MYH2: variants seen among roughly 807,000 people sequenced by gnomAD.
The protein encoded by MYH2 is myosin heavy chain 2.
A neutral mutation model predicts 228.1 loss-of-function variants in MYH2; 139 were observed. That is an observed-to-expected ratio of 0.61 (90% CI 0.53 to 0.70). MYH2 has a LOEUF of 0.70. Ranked by LOEUF, MYH2 falls within the 30% of genes least tolerant of loss-of-function variation. The pLI, the probability that MYH2 is intolerant of heterozygous loss-of-function variation, is 0.00. For synonymous variants in MYH2, 796 were observed against 871.1 expected (o/e 0.91, Z 1.52); for missense variants, 1,809 against 2,357.5 (o/e 0.77, Z 4.82).
At position 10,533,494 on chromosome 17, in the gene MYH2, TTTACA is replaced by T; in HGVS notation, c.2304+10_2304+14del. On this transcript the variant is annotated intron_variant, in intron 20 of 39. Transcript: ENST00000245503. ...GGGACAGGAATAGCATCAGGTAGGA[TTTACA>T]GAAAATTACCTTGGTGTGCCCAAAT... The T allele has an allele frequency of 6.2e-7, 1 of 1,614,090 alleles. No individual in the cohort carries two copies. The highest frequency in any genetic ancestry group is 8.5e-7 in the Non-Finnish European group (1 of 1,179,990).
chr17:10,545,518 A>G lies in MYH2; in HGVS notation c.349-16T>C, dbSNP rs748200776. 2 of 1,613,872 alleles carry G rather than the reference A, an allele frequency of 1.2e-6. No individual in the cohort carries two copies. The highest frequency in any genetic ancestry group is 2.2e-5 in the South Asian group (2 of 91,082). ...CTGAATAGGTCTATGAGAAGGAAAA[A>G]GAATAAGTACCCAAAGACCTTTCCT... On this transcript the variant is annotated splice_polypyrimidine_tract_variant and intron_variant, in intron 4 of 39. Transcript: ENST00000245503.
In MYH2 at chr17:10,533,339, G is replaced by T. The variant is rs1200040691; in HGVS notation, c.2387C>A (p.Ala796Asp). The change falls in exon 21 of 40, where the codon GCC becomes GAC. Residue 796 changes from alanine (A) to aspartate (D), a missense_variant. Transcript: ENST00000245503. Reference sequence around the variant, plus strand: ...TCTTGCCAAGAACCCTCTGCACCTGGCCTGGGTTCGGGTAATCAGCTGGGC... The same window carrying T: ...TCTTGCCAAGAACCCTCTGCACCTGTCCTGGGTTCGGGTAATCAGCTGGGC... ...KLAQLITRTQ[A>D]RCRGFLARVE... 12 of 1,614,168 alleles carry T rather than the reference G, an allele frequency of 7.4e-6. No homozygotes were observed. Among genetic ancestry groups the T allele is most frequent in the Non-Finnish European group, 1.0e-5 (12 of 1,180,024 alleles).
Position 10,529,598 on chromosome 17 carries a change from T to C in MYH2, c.3083A>G (p.Lys1028Arg), listed in dbSNP as rs2073399691. The change falls in exon 24 of 40, where the codon AAA becomes AGA. Residue 1028 changes from lysine (K) to arginine (R), a missense_variant. Lys to Arg is a conservative substitution (Grantham distance 26). Transcript: ENST00000245503. ...AEEDKVNTLT[K>R]AKIKLEQQVD... ...TTGTTGTTCAAGTTTGATTTTAGCT[T>C]TGGTCAGGGTGTTGACTTTGTCCTC... 4 of 1,614,050 alleles carry C rather than the reference T, an allele frequency of 2.5e-6. No individual in the cohort carries two copies. The African/African-American group carries it at 5.3e-5, about 22-fold the overall frequency.
In MYH2 at chr17:10,531,837, C is replaced by T. The variant is rs778712421; in HGVS notation, c.2493G>A (p.Lys831=). 2 of 1,614,092 alleles carry T rather than the reference C, an allele frequency of 1.2e-6. No individual in the cohort carries two copies. Among genetic ancestry groups the T allele is most frequent in the Admixed American group, 1.7e-5 (1 of 60,022 alleles). Residue 831 remains lysine (K), a synonymous_variant, in exon 22 of 40, where the codon AAG becomes AAA. Coordinates refer to ENST00000245503, the MANE Select transcript of MYH2 (RefSeq NM_017534.6). ...QYNIRSFMNV[K]HWPWMKLFFK... ...AGAAGAGTTTCATCCAGGGCCAGTG[C>T]TTGACATTCATGAAGGATCTGATAT...
intron 4 of MYH2, 151 bp from the exon 5 acceptor site, chr17:10,545,653 C>T: frequency 1.9e-6 from 2 of 1,061,846 alleles, no homozygotes; most frequent in Non-Finnish European, 2.8e-6. Flanking sequence ...CAGCCCCAAC[C>T]TCCCGGGCTC....
chr17:10,526,936 A>C lies in MYH2; in HGVS notation c.3990+2T>G, dbSNP rs764480094. 2 of 1,613,766 alleles carry C rather than the reference A, an allele frequency of 1.2e-6. No individual in the cohort carries two copies. Among genetic ancestry groups the C allele is most frequent in the Non-Finnish European group, 8.5e-7 (1 of 1,179,626 alleles). On this transcript the variant is annotated splice_donor_variant, in intron 29 of 39. Transcript: ENST00000245503. LOFTEE classifies it high-confidence loss of function. ...AAAAATCAGTCTTAGAATCATAATT[A>C]CTTTTATCTCCTCTTCAAGTTGCCT...
chr17:10,549,621 C>A lies in MYH2; in HGVS notation c.-64+15G>T, dbSNP rs1263435677. 1 of 152,220 alleles carries A rather than the reference C, an allele frequency of 6.6e-6. No individual in the cohort carries two copies. The highest frequency in any genetic ancestry group is 2.4e-5 in the African/African-American group (1 of 41,442). 9.4% of individuals were successfully genotyped at this position (152,220 alleles called of 1,614,324 possible). ...CCAGTGTCCCTCTTGAAAGGCCCGT[C>A]CTGCTCCCACTTACCTTGGAGCTTT... is the stretch of plus-strand genomic sequence containing the variant. On this transcript the variant is annotated intron_variant, in intron 1 of 39. Coordinates refer to ENST00000245503, the MANE Select transcript of MYH2 (RefSeq NM_017534.6).
chr17:10,546,487 T>C (rs913324717), intron 4 of MYH2, among the ~76,000 whole-genome samples: 6 of 151,862 alleles, frequency 4.0e-5, no homozygotes, highest in African/African-American at 1.2e-4. Flanking sequence ...ATTTACTGCA[T>C]GTTTATTATG....
At position 10,545,500 on chromosome 17, in the gene MYH2, G is replaced by C; in HGVS notation, c.351C>G (p.Thr117=). The C allele has an allele frequency of 6.2e-7, 1 of 1,614,052 alleles. No individual in the cohort carries two copies. The highest frequency in any genetic ancestry group is 1.3e-5 in the African/African-American group (1 of 75,018). Residue 117 remains threonine, a splice_region_variant and synonymous_variant, in exon 5 of 40, where the codon ACC becomes ACG. Transcript: ENST00000245503. The part of the protein sequence containing the change: ...KERYAAWMIY[T]YSGLFCVTVN... The stretch of plus-strand genomic sequence containing the variant: ...CAGTGACACAGAAGAGACCTGAATA[G>C]GTCTATGAGAAGGAAAAAGAATAAG...
intron 30 of MYH2, among the ~76,000 whole-genome samples, chr17:10,526,258 C>A (rs964763892): frequency 6.6e-6 from 1 of 152,100 alleles, no homozygotes; most frequent in Non-Finnish European, 1.5e-5. Flanking sequence ...AGTCAGAGAG[C>A]CAAAGGGAAG....
intron 17 of MYH2, 40 bp downstream of exon 17, chr17:10,536,490 C>G: frequency 1.9e-6 from 3 of 1,575,828 alleles, no homozygotes; most frequent in Non-Finnish European, 2.6e-6. Flanking sequence ...AAAAAAATCC[C>G]AAAGTAATTG....
intron 10 of MYH2, 29 bp from the exon 11 acceptor site, chr17:10,540,726 A>G (rs2142314980): frequency 6.0e-6 from 9 of 1,499,078 alleles, no homozygotes; most frequent in Non-Finnish European, 8.4e-6. Flanking sequence ...ACAAAGATAA[A>G]CATAATTATC....
chr17:10,548,007 T>C, intron 2 of MYH2, 67 bp from the exon 3 acceptor site: 1 of 1,360,388 alleles, frequency 7.4e-7, no homozygotes. Context: ...ATCTTAATAT[T>C]TATTGTATTT....
rs1042270 is a variant in MYH2 at position 10,524,526 on chromosome 17, T to C, written c.5115A>G (p.Arg1705=). ...CCAGGAGCTCCTGTTCTGCGATTTT[T>C]CTGCTCCTCTCTGTCTGTTCCAGAG... ...RATLEQTERS[R]KIAEQELLDA... The change falls in exon 35 of 40, where the codon AGA becomes AGG. Residue 1705 remains arginine, a synonymous_variant. Transcript: ENST00000245503. The surrounding 1 kb of genome is among the most constrained non-coding windows in gnomAD (Gnocchi z 4.7). 73 of 1,614,238 alleles carry C rather than the reference T, an allele frequency of 4.5e-5. No homozygotes were observed. The East Asian group carries it at 4.9e-4, about 11-fold the overall frequency.
intron 22 of MYH2, among the ~76,000 whole-genome samples, chr17:10,531,155 G>C (rs2073419855): frequency 6.6e-6 from 1 of 152,168 alleles, no homozygotes; most frequent in Non-Finnish European, 1.5e-5. Flanking sequence ...GGGAGTCTGA[G>C]TTTTTGAGAT....
In MYH2 at chr17:10,537,572, AC is replaced by A. The variant is rs1459394080; in HGVS notation, c.1588-31del. On this transcript the variant is annotated intron_variant, in intron 15 of 39. Coordinates refer to ENST00000245503, the MANE Select transcript of MYH2 (RefSeq NM_017534.6). This position sits in a 1 kb window ranked among gnomAD's most constrained non-coding sequence, Gnocchi z 4.0. ...AAAGCAGACCACAACACAAAATTGT[AC>A]TTCTATTTTTTTTTCTGTCTATAGA... is the stretch of plus-strand genomic sequence containing the variant. 1 of 1,613,962 alleles carries A rather than the reference AC, an allele frequency of 6.2e-7. No homozygotes were observed. Among genetic ancestry groups the A allele is most frequent in the Admixed American group, 1.7e-5 (1 of 59,980 alleles).
rs769551977 is a variant in MYH2 at position 10,539,463 on chromosome 17, T to C, written c.1247A>G (p.Lys416Arg). Residue 416 changes from lysine to arginine, a missense_variant, in exon 13 of 40, where the codon AAA becomes AGA. This residue lies in a region of MYH2 where 373 missense variants were observed against 620.4 expected (regional missense o/e 0.60). Coordinates refer to ENST00000245503, the MANE Select transcript of MYH2 (RefSeq NM_017534.6). ...ACCTACCTGTTCTACAGTCTGGCCT[T>C]TGGTGACATACTCATTGCCGACCTT... is the stretch of plus-strand genomic sequence containing the variant. The part of the protein sequence containing the change: ...RVKVGNEYVT[K>R]GQTVEQVSNA... The C allele has an allele frequency of 6.2e-7, 1 of 1,614,180 alleles. No individual in the cohort carries two copies. The highest frequency in any genetic ancestry group is 1.7e-5 in the Admixed American group (1 of 60,022).
Position 10,529,880 on chromosome 17 carries a change from C to A in MYH2, c.2892G>T (p.Glu964Asp). The A allele has an allele frequency of 1.2e-6, 2 of 1,613,554 alleles. No homozygotes were observed. Among genetic ancestry groups the A allele is most frequent in the Non-Finnish European group, 1.7e-6 (2 of 1,179,608 alleles). ...SELKKDIDDL[E>D]LTLAKVEKEK... ...CCTTCTCAACCTTGGCCAGTGTCAG[C>A]TCAAGGTCATCAATGTCTTTCTTGA... The change falls in exon 23 of 40, where the codon GAG becomes GAT. Residue 964 changes from glutamate (E) to aspartate (D), a missense_variant. Glu to Asp is a conservative substitution (Grantham distance 45). Transcript: ENST00000245503.
chr17:10,528,235 A>T (rs2073379412), intron 27 of MYH2, among the ~76,000 whole-genome samples: 1 of 151,978 alleles, frequency 6.6e-6, no homozygotes, highest in Non-Finnish European at 1.5e-5. Context: ...TATGAAAGCT[A>T]ATCATGGAGC....
Sources: allele counts gnomAD v4.1 joint callset (sites outside exome capture counted in the v4.1 genomes callset), GRCh38; gene constraint gnomAD v4.1.1; regional missense constraint gnomAD v4.1.1; non-coding constraint Gnocchi (gnomAD v3.1); transcripts MANE v1.5; gene names NCBI Gene and HGNC (gene_info 2026-07-23, HGNC 2026-07-21).